The following GPC5 variants were observed in gnomAD, a reference collection of about 807,000 sequenced individuals.
GPC5 encodes the protein glypican-5.
A neutral mutation model predicts 53.9 loss-of-function variants in GPC5; 47 were observed. The observed-to-expected ratio is 0.87, with a 90% CI of 0.69 to 1.11. GPC5 has a LOEUF of 1.11. Among genes scored for constraint, GPC5 ranks in the 50% most tolerant of loss-of-function variants. GPC5 has a pLI of 0.00. For missense variants in GPC5, 748 were observed against 713.1 expected (o/e 1.05, Z -0.56); for synonymous variants, 286 against 263.3 (o/e 1.09, Z -0.84).
intron 7 of GPC5, among the ~76,000 whole-genome samples, chr13:92,277,882 T>A (rs80250577): frequency 0.028 from 4,282 of 152,020 alleles, 214 homozygotes; most frequent in African/African-American, 0.098. Flanking sequence ...CCTGGCTTGA[T>A]GGTATTTAGA....
chr13:92,296,901 G>A (rs561768403), intron 7 of GPC5, among the ~76,000 whole-genome samples: 11 of 152,332 alleles, frequency 7.2e-5, no homozygotes, highest in East Asian at 5.8e-4. Context: ...CTGCCTTCCC[G>A]CAGGGCAGGG....
At chr13:92,545,412 T>C (rs1297523792) in intron 7 of GPC5, among the ~76,000 whole-genome samples, 1 of 152,218 alleles carries the variant, frequency 6.6e-6, no homozygotes, top group Non-Finnish European at 1.5e-5. Flanking sequence ...CAGCATGTTT[T>C]ATAATCCTTT....
At chr13:92,218,659 T>C (rs1401746299) in intron 7 of GPC5, among the ~76,000 whole-genome samples, 1 of 152,200 alleles carries the variant, frequency 6.6e-6, no homozygotes, top group Non-Finnish European at 1.5e-5. Context: ...AATTTGGTGC[T>C]GTATGAGAAC....
intron 2 of GPC5, among the ~76,000 whole-genome samples, chr13:91,670,593 C>T (rs913288629): frequency 5.9e-5 from 9 of 152,126 alleles, no homozygotes; most frequent in Admixed American, 6.5e-5. Context: ...CAACTGGAAA[C>T]GCTGGTGGCT....
rs1375628442 is a variant in GPC5 at position 92,613,392 on chromosome 13, TAA to T, written c.1562-252888_1562-252887del. 1.1e-3 allele frequency among the ~76,000 whole-genome samples: 73 copies of T among 68,886 alleles called. 1 individual carries two copies. Among genetic ancestry groups the T allele is most frequent in the African/African-American group, 2.4e-3 (53 of 21,800 alleles). 45.2% of individuals were successfully genotyped at this position (68,886 alleles called of 152,430 possible). ...ATATATAAATATATTATATTATATA[TAA>T]ATATATATTATATTATATATAAATA... On this transcript the variant is annotated intron_variant, in intron 7 of 7. Coordinates refer to ENST00000377067, the MANE Select transcript of GPC5 (RefSeq NM_004466.6).
chr13:91,814,223 C>T (rs868087525), intron 5 of GPC5, among the ~76,000 whole-genome samples: 15 of 152,022 alleles, frequency 9.9e-5, no homozygotes, highest in Admixed American at 2.0e-4. Context: ...TGAGCCACTG[C>T]GCCCGGCTAA....
chr13:91,778,345 G>A (rs2037744668), intron 5 of GPC5, among the ~76,000 whole-genome samples: 1 of 152,142 alleles, frequency 6.6e-6, no homozygotes, highest in Non-Finnish European at 1.5e-5. Context: ...TCAAACCAAA[G>A]ATTCTGGAGT....
intron 7 of GPC5, among the ~76,000 whole-genome samples, chr13:92,164,280 TAAGAC>T (rs2042011502): frequency 6.6e-6 from 1 of 152,114 alleles, no homozygotes; most frequent in South Asian, 2.1e-4. Flanking sequence ...AGGTTTCATA[TAAGAC>T]AAGACAAGTC....
chr13:91,858,476 TG>T (rs2038991124), intron 5 of GPC5, among the ~76,000 whole-genome samples: 1 of 152,044 alleles, frequency 6.6e-6, no homozygotes, highest in Non-Finnish European at 1.5e-5. Context: ...TTAATTGATT[TG>T]CATATGTTTA....
chr13:91,769,126 G>T (rs1363919002), intron 5 of GPC5, among the ~76,000 whole-genome samples: 1 of 152,150 alleles, frequency 6.6e-6, no homozygotes, highest in Non-Finnish European at 1.5e-5. Context: ...TGGAAATTCT[G>T]CAAGGAACCT....
intron 7 of GPC5, among the ~76,000 whole-genome samples, chr13:92,230,788 G>T (rs1166440938): frequency 6.6e-6 from 1 of 152,072 alleles, no homozygotes; most frequent in Non-Finnish European, 1.5e-5. Flanking sequence ...GGCCTACCTG[G>T]TGCACTGATT....
intron 2 of GPC5, among the ~76,000 whole-genome samples, chr13:91,606,414 C>G (rs987690939): frequency 1.3e-5 from 2 of 151,092 alleles, no homozygotes; most frequent in Non-Finnish European, 3.0e-5. Flanking sequence ...GTCTAAAATT[C>G]TCTTTTATTG....
chr13:91,985,115 C>A (rs1298552258), intron 6 of GPC5, among the ~76,000 whole-genome samples: 7 of 152,062 alleles, frequency 4.6e-5, no homozygotes, highest in Non-Finnish European at 1.0e-4. Context: ...CCACTTCTGT[C>A]TTTTATATTT....
At chr13:92,444,344 T>C (rs558888108) in intron 7 of GPC5, among the ~76,000 whole-genome samples, 1 of 152,214 alleles carries the variant, frequency 6.6e-6, no homozygotes, top group East Asian at 1.9e-4. Flanking sequence ...GGAAAAGTTA[T>C]TTATCTAATA....
At chr13:91,549,071 C>T (rs1038562807) in intron 2 of GPC5, among the ~76,000 whole-genome samples, 2 of 152,076 alleles carry the variant, frequency 1.3e-5, no homozygotes, top group African/African-American at 2.4e-5. Flanking sequence ...GAGTTCGAGA[C>T]CAGCCTGGCC....
rs185118876 is a variant in GPC5 at position 92,605,810 on chromosome 13, A to T, written c.1562-260472A>T. 5.2e-3 allele frequency among the ~76,000 whole-genome samples: 792 copies of T among 151,726 alleles called. 2 individuals carry two copies. Among genetic ancestry groups the T allele is most frequent in the Admixed American group, 0.011 (164 of 15,080 alleles). On this transcript the variant is annotated intron_variant, in intron 7 of 7. Coordinates refer to ENST00000377067, the MANE Select transcript of GPC5 (RefSeq NM_004466.6). The stretch of plus-strand genomic sequence containing the variant: ...GGTTAGGACACCAAGGGAAAAAAAA[A>T]GTTTGCCTGGATTTTTTTTTAAGGA...
At chr13:91,995,720 A>T (rs2040497827) in intron 6 of GPC5, 1 of 152,204 alleles carries the variant, frequency 6.6e-6, no homozygotes, top group Non-Finnish European at 1.5e-5. Context: ...TTTTATTGGT[A>T]TTATCATTTT....
At chr13:92,536,841 G>A (rs1881740393) in intron 7 of GPC5, among the ~76,000 whole-genome samples, 1 of 152,038 alleles carries the variant, frequency 6.6e-6, no homozygotes. Context: ...AGAAAAAAGA[G>A]TCAAATACAA....
intron 7 of GPC5, among the ~76,000 whole-genome samples, chr13:92,844,660 C>A (rs1456636799): frequency 6.6e-6 from 1 of 151,998 alleles, no homozygotes; most frequent in African/African-American, 2.4e-5. Context: ...AAGTAAAAAA[C>A]TGGTCAATTA....
Sources: allele counts gnomAD v4.1 joint callset (sites outside exome capture counted in the v4.1 genomes callset), GRCh38; gene constraint gnomAD v4.1.1; transcripts MANE v1.5; gene names NCBI Gene and HGNC (gene_info 2026-07-23, HGNC 2026-07-21).